Variants in COA1 observed in about 807,000 individuals in gnomAD.
COA1 encodes the protein cytochrome c oxidase assembly factor 1.
In COA1, 13 loss-of-function variants were observed where a neutral mutation model predicts 16.0. The observed-to-expected ratio is 0.81, with a 90% confidence interval of 0.53 to 1.29. COA1 has a LOEUF of 1.29. Ranked by LOEUF, COA1 falls within the 50% of genes most tolerant of loss-of-function variation. The pLI, the probability that COA1 is intolerant of heterozygous loss-of-function variation, is 0.00. For missense variants in COA1, 179 were observed against 177.0 expected (o/e 1.01, Z -0.06); for synonymous variants, 65 against 65.7 (o/e 0.99, Z 0.05).
chr7:43,635,006 T>C (rs1212977884), downstream of COA1, among the ~76,000 whole-genome samples: 3 of 152,228 alleles, frequency 2.0e-5, no homozygotes, highest in East Asian at 1.9e-4. Flanking sequence ...AAGTCCAGGC[T>C]GCACTTAGTG....
intron 1 of COA1, among the ~76,000 whole-genome samples, chr7:43,682,408 A>G (rs1050986869): frequency 1.3e-5 from 2 of 152,222 alleles, no homozygotes; most frequent in Non-Finnish European, 2.9e-5. Flanking sequence ...ATATTTTTCA[A>G]TAGGTACATT....
intron 1 of COA1, among the ~76,000 whole-genome samples, chr7:43,672,607 T>C (rs555902463): frequency 1.3e-5 from 2 of 152,058 alleles, no homozygotes; most frequent in South Asian, 4.2e-4. Context: ...CCATCTCTAC[T>C]AAAAATACAA....
intron 1 of COA1, among the ~76,000 whole-genome samples, chr7:43,662,895 GCT>G (rs1388649281): frequency 6.6e-6 from 1 of 152,146 alleles, no homozygotes; most frequent in Non-Finnish European, 1.5e-5. Context: ...TATCTCAACT[GCT>G]CTGTTATTAC....
At chr7:43,681,867 C>G (rs1312070457) in intron 1 of COA1, among the ~76,000 whole-genome samples, 5 of 152,142 alleles carry the variant, frequency 3.3e-5, no homozygotes, top group African/African-American at 1.2e-4. Flanking sequence ...AAGCACACTC[C>G]TTTTAAGGTT....
chr7:43,638,637 GA>G (rs1256018362), downstream of COA1, among the ~76,000 whole-genome samples: 44 of 131,448 alleles, frequency 3.3e-4, no homozygotes, highest in African/African-American at 1.3e-3. Flanking sequence ...GTGCAGTGAT[GA>G]AATCTTGGCT....
intron 1 of COA1, among the ~76,000 whole-genome samples, chr7:43,728,795 GA>G (rs1221194522): frequency 1.3e-5 from 2 of 152,168 alleles, no homozygotes; most frequent in African/African-American, 4.8e-5. Context: ...GAATGGGGAG[GA>G]ATCAGGGGAA....
At chr7:43,704,809 T>A (rs576336033) in intron 1 of COA1, among the ~76,000 whole-genome samples, 1 of 152,258 alleles carries the variant, frequency 6.6e-6, no homozygotes, top group African/African-American at 2.4e-5. Flanking sequence ...GTCATTTCAG[T>A]CTTTTCAGCC....
chr7:43,638,493 G>GT (rs2086281373), downstream of COA1, among the ~76,000 whole-genome samples: 1 of 149,630 alleles, frequency 6.7e-6, no homozygotes, highest in South Asian at 2.1e-4. Flanking sequence ...CGGTTAAGTT[G>GT]TTTGGAAAGC....
intron 1 of COA1, among the ~76,000 whole-genome samples, chr7:43,690,939 C>A (rs2094249757): frequency 6.7e-6 from 1 of 149,978 alleles, no homozygotes; most frequent in Non-Finnish European, 1.5e-5. Flanking sequence ...ATCATCAGGC[C>A]AGGGATGGTG....
At chr7:43,708,101 G>C (rs2095067580) in intron 1 of COA1, among the ~76,000 whole-genome samples, 1 of 152,180 alleles carries the variant, frequency 6.6e-6, no homozygotes, top group African/African-American at 2.4e-5. Context: ...CTACTCAGGA[G>C]CCTGAGGCAG....
intron 6 of COA1, among the ~76,000 whole-genome samples, chr7:43,611,921 G>A (rs763628292): frequency 6.6e-5 from 10 of 152,184 alleles, no homozygotes; most frequent in African/African-American, 1.4e-4. Context: ...TAATTAAGTA[G>A]CAAGTCAAAC....
chr7:43,701,110 T>C (rs1475138068), intron 1 of COA1, among the ~76,000 whole-genome samples: 2 of 152,208 alleles, frequency 1.3e-5, no homozygotes, highest in Admixed American at 1.3e-4. Flanking sequence ...TTAAAATCTT[T>C]TTGAACTTTT....
At chr7:43,724,723 T>C (rs934576620) in intron 1 of COA1, among the ~76,000 whole-genome samples, 2 of 152,172 alleles carry the variant, frequency 1.3e-5, no homozygotes, top group Non-Finnish European at 2.9e-5. Context: ...ATTCAGTCTT[T>C]AAAAAAATGA....
chr7:43,716,683 A>G (rs2095402186), intron 1 of COA1, among the ~76,000 whole-genome samples: 1 of 152,202 alleles, frequency 6.6e-6, no homozygotes, highest in Non-Finnish European at 1.5e-5. Flanking sequence ...AGTAGCAGGG[A>G]GCCCAATGTT....
At chr7:43,684,992 T>C (rs2093951678) in intron 1 of COA1, among the ~76,000 whole-genome samples, 1 of 152,034 alleles carries the variant, frequency 6.6e-6, no homozygotes. Flanking sequence ...CAGTGAAAAC[T>C]AGCTCACTAG....
chr7:43,702,960 T>C (rs891531507), intron 1 of COA1, among the ~76,000 whole-genome samples: 4 of 152,226 alleles, frequency 2.6e-5, no homozygotes, highest in African/African-American at 9.6e-5. Context: ...ATTTTAGATC[T>C]TTCTAAGTTC....
chr7:43,719,737 G>A (rs2095469140), intron 1 of COA1, among the ~76,000 whole-genome samples: 1 of 152,160 alleles, frequency 6.6e-6, no homozygotes, highest in South Asian at 2.1e-4. Flanking sequence ...TTTCAATATA[G>A]TATTAAGCCT....
intron 6 of COA1, chr7:43,623,572 C>T: frequency 2.5e-6 from 4 of 1,608,542 alleles, no homozygotes; most frequent in Non-Finnish European, 3.4e-6. Context: ...CTGATACTAG[C>T]TCCTGAAATT....
intron 1 of COA1, among the ~76,000 whole-genome samples, chr7:43,672,018 A>G (rs1434130660): frequency 6.6e-6 from 1 of 152,114 alleles, no homozygotes; most frequent in Non-Finnish European, 1.5e-5. Context: ...AGACTAATAC[A>G]CTATGCATCC....
Sources: gnomAD v4.1 joint callset for allele counts (sites outside exome capture counted in the v4.1 genomes callset) on GRCh38, gnomAD v4.1.1 for gene constraint, MANE v1.5 for transcripts, NCBI Gene and HGNC (gene_info 2026-07-23, HGNC 2026-07-21) for gene names.